Variants in IGF1R observed in about 807,000 individuals in gnomAD.
IGF1R encodes the protein insulin-like growth factor 1 receptor.
IGF1R carries 44 observed loss-of-function variants against 144.6 expected under a neutral mutation model. That is an observed-to-expected ratio of 0.30 (90% CI 0.24 to 0.39). The LOEUF (loss-of-function observed/expected upper bound fraction) is 0.39. IGF1R is among the 10% of genes least tolerant of loss of function. The pLI is 1.00. For synonymous variants in IGF1R, 795 were observed against 722.8 expected, an observed-to-expected ratio of 1.10 and a Z score of -1.60; for missense variants, 1,355 against 1,833.7, an observed-to-expected ratio of 0.74 and a Z score of 4.77.
chr15:98,870,678 A>G (rs532491977), intron 2 of IGF1R, among the ~76,000 whole-genome samples: 3 of 152,348 alleles, frequency 2.0e-5, no homozygotes, highest in African/African-American at 7.2e-5. Flanking sequence ...AACCTGGAGT[A>G]CAGGCAGACA....
At position 98,905,006 on chromosome 15, in the gene IGF1R, A is replaced by G. The variant is rs572354114; in HGVS notation, c.1248-3679A>G. On this transcript the variant is annotated intron_variant, in intron 5 of 20. Transcript: ENST00000650285. Reference sequence around the variant, plus strand: ...CCTCAGCCAGAAAAGCAGGGAAGGCACCCCCAGTTTGCAGCTGAGAGACTC... The same window carrying G: ...CCTCAGCCAGAAAAGCAGGGAAGGCGCCCCCAGTTTGCAGCTGAGAGACTC... 2.7e-3 allele frequency among the ~76,000 whole-genome samples: 406 copies of G among 152,246 alleles called. 1 individual carries two copies. Among genetic ancestry groups the G allele is most frequent in the Non-Finnish European group, 5.0e-3 (343 of 68,016 alleles).
intron 2 of IGF1R, among the ~76,000 whole-genome samples, chr15:98,856,806 A>G (rs1317645722): frequency 6.6e-6 from 1 of 152,240 alleles, no homozygotes; most frequent in African/African-American, 2.4e-5. Context: ...AGCAAACAGA[A>G]CACTTGCTTT....
chr15:98,823,392 C>T (rs577213713), intron 2 of IGF1R, among the ~76,000 whole-genome samples: 1 of 152,330 alleles, frequency 6.6e-6, no homozygotes, highest in South Asian at 2.1e-4. Flanking sequence ...TAAGCTGTTT[C>T]CCTCTTCCCC....
At chr15:98,692,325 G>A (rs1411351929) in intron 1 of IGF1R, among the ~76,000 whole-genome samples, 24 of 152,102 alleles carry the variant, frequency 1.6e-4, no homozygotes. Context: ...GTGACAGTGT[G>A]AGACCCTGGC....
Position 98,911,432 on chromosome 15 carries a change from A to G in IGF1R, c.1580A>G (p.Tyr527Cys). 6.2e-7 allele frequency: 1 copy of G among 1,614,170 alleles called. No homozygotes were observed. Among genetic ancestry groups the G allele is most frequent in the Non-Finnish European group, 8.5e-7 (1 of 1,180,028 alleles). Reference sequence around the variant, plus strand: ...GATCTCATCAGCTTCACCGTTTACTACAAGGAAGCGTGAGTTTCTGCTTTG... The same window carrying G: ...GATCTCATCAGCTTCACCGTTTACTGCAAGGAAGCGTGAGTTTCTGCTTTG... Reference protein sequence around the residue: ...YRDLISFTVYYKEAPFKNVTE... With the variant: ...YRDLISFTVYCKEAPFKNVTE... The change falls in exon 7 of 21, where the codon TAC becomes TGC. Residue 527 changes from tyrosine (Y) to cysteine (C), a missense_variant. Physicochemically the swap from Tyr to Cys is radical, Grantham distance 194. Coordinates refer to ENST00000650285, the MANE Select transcript of IGF1R (RefSeq NM_000875.5).
In IGF1R at chr15:98,755,718, C is replaced by CAAAAAAAAAAAAAAA. The variant is rs56121011; in HGVS notation, c.640+47632_640+47646dup. Among the ~76,000 whole-genome samples the CAAAAAAAAAAAAAAA allele has an allele frequency of 1.2e-4, 4 of 34,504 alleles. 1 individual carries two copies. The highest frequency in any genetic ancestry group is 1.6e-4 in the African/African-American group (1 of 6,448). 22.6% of individuals were successfully genotyped at this position (34,504 alleles called of 152,430 possible). Reference sequence around the variant, plus strand: ...TGAATGACAGAGCAAAACTCCATTGCAAAAAAAAAAAAAAAAAAAAAAAAA... The same window carrying CAAAAAAAAAAAAAAA: ...TGAATGACAGAGCAAAACTCCATTGCAAAAAAAAAAAAAAAAAAAAAAAAAAAAAAAAAAAAAAAA... On this transcript the variant is annotated intron_variant, in intron 2 of 20. Coordinates refer to ENST00000650285, the MANE Select transcript of IGF1R (RefSeq NM_000875.5).
intron 1 of IGF1R, among the ~76,000 whole-genome samples, chr15:98,659,640 C>G (rs147274074): frequency 7.2e-5 from 11 of 152,164 alleles, no homozygotes; most frequent in Non-Finnish European, 1.3e-4. Flanking sequence ...GTGATGCAGA[C>G]AGGCGCACTG....
intron 2 of IGF1R, among the ~76,000 whole-genome samples, chr15:98,799,265 G>T (rs896740839): frequency 2.6e-5 from 4 of 151,630 alleles, no homozygotes; most frequent in Non-Finnish European, 5.9e-5. Context: ...TTCTCCACCC[G>T]TAAAGTACGT....
At chr15:98,872,856 AAAAC>A (rs78390578) in intron 2 of IGF1R, among the ~76,000 whole-genome samples, 28,281 of 151,676 alleles carry the variant, frequency 0.19, 3,414 homozygotes, top group East Asian at 0.4. Context: ...AAAAAAAAAC[AAAAC>A]AGACAGACAG....
chr15:98,665,488 C>T (rs1484398705), intron 1 of IGF1R, among the ~76,000 whole-genome samples: 1 of 152,020 alleles, frequency 6.6e-6, no homozygotes, highest in Non-Finnish European at 1.5e-5. Context: ...CAGTCTCTTC[C>T]TTCTTCAAGG....
intron 2 of IGF1R, among the ~76,000 whole-genome samples, chr15:98,815,957 C>A (rs12911009): frequency 6.6e-6 from 1 of 152,074 alleles, no homozygotes; most frequent in Admixed American, 6.5e-5. Context: ...AAAATATTTG[C>A]AGCATTCCTT....
rs1017027099 is a variant in IGF1R at position 98,964,306 on chromosome 15, T to C, written c.*6864T>C. 1 of 232,078 alleles carries C rather than the reference T, an allele frequency of 4.3e-6. No individual in the cohort carries two copies. Among genetic ancestry groups the C allele is most frequent in the Non-Finnish European group, 8.5e-6 (1 of 117,162 alleles). The allele number at this position is 232,078 out of a possible 1,614,324, so 14.4% of individuals were successfully genotyped here. A position where few individuals can be genotyped will look rare whatever the true frequency, so the allele number is the denominator to read the frequency against. The stretch of plus-strand genomic sequence containing the variant: ...TAAATTATTCCTAAAAAATCCTGTT[T>C]ATATAAAAAATCAGTAGATGAAAAA... On this transcript the variant is annotated 3_prime_UTR_variant, in exon 21 of 21. Coordinates refer to ENST00000650285, the MANE Select transcript of IGF1R (RefSeq NM_000875.5).
In IGF1R at chr15:98,958,504, C is replaced by G; in HGVS notation, c.*1062C>G. The G allele has an allele frequency of 4.5e-6, 1 of 223,638 alleles. No homozygotes were observed. The highest frequency in any genetic ancestry group is 2.2e-5 in the African/African-American group (1 of 44,856). 13.9% of individuals were successfully genotyped at this position (223,638 alleles called of 1,614,324 possible). A position where few individuals can be genotyped will look rare whatever the true frequency, so the allele number is the denominator to read the frequency against. On this transcript the variant is annotated 3_prime_UTR_variant, in exon 21 of 21. Transcript: ENST00000650285. The stretch of plus-strand genomic sequence containing the variant: ...GTTTGCAAGGAAAGAAATTCAAACA[C>G]CACAACAGCAGTAAGAAGAAAAGCA...
intron 2 of IGF1R, among the ~76,000 whole-genome samples, chr15:98,734,440 A>G (rs1442758655): frequency 1.3e-5 from 2 of 152,094 alleles, no homozygotes; most frequent in African/African-American, 4.8e-5. Context: ...TAGCATGTTT[A>G]TGCCTTTTGG....
chr15:98,833,510 A>G (rs927306697), intron 2 of IGF1R, among the ~76,000 whole-genome samples: 1 of 152,208 alleles, frequency 6.6e-6, no homozygotes, highest in African/African-American at 2.4e-5. Context: ...TGACTTGACA[A>G]TGGCTCCATT....
At position 98,686,810 on chromosome 15, in the gene IGF1R, A is replaced by G. The variant is rs72547259; in HGVS notation, c.95-20752A>G. ...CTACGCTTCCTCAATAGATGGGACTATGTTCCTGCGCCATCACTCCTGGTG... is the reference window on the plus strand; with the variant it reads ...CTACGCTTCCTCAATAGATGGGACTGTGTTCCTGCGCCATCACTCCTGGTG... On this transcript the variant is annotated intron_variant, in intron 1 of 20. Coordinates refer to ENST00000650285, the MANE Select transcript of IGF1R (RefSeq NM_000875.5). Among the ~76,000 whole-genome samples, 670 of 152,136 alleles carry G rather than the reference A, an allele frequency of 4.4e-3. 3 individuals are homozygous for G. The highest frequency in any genetic ancestry group is 0.015 in the African/African-American group (630 of 41,490).
chr15:98,836,623 A>G (rs2057108502), intron 2 of IGF1R, among the ~76,000 whole-genome samples: 1 of 152,154 alleles, frequency 6.6e-6, no homozygotes, highest in Non-Finnish European at 1.5e-5. Flanking sequence ...AGAAATTAAC[A>G]ATGACACAAT....
At chr15:98,787,061 C>T (rs2056015024) in intron 2 of IGF1R, among the ~76,000 whole-genome samples, 1 of 152,158 alleles carries the variant, frequency 6.6e-6, no homozygotes, top group African/African-American at 2.4e-5. Context: ...GTTCCATCAG[C>T]GCCCCTTCGT....
In IGF1R at chr15:98,935,377, C is replaced by G; in HGVS notation, c.3248C>G (p.Thr1083Arg). Residue 1083 changes from threonine (T) to arginine (R), a missense_variant, in exon 17 of 21, where the codon ACA (threonine) becomes AGA (arginine). Thr to Arg is a moderately conservative substitution (Grantham distance 71). This residue lies in a region of IGF1R where 45 missense variants were observed against 43.5 expected (regional missense o/e 1.03). Coordinates refer to ENST00000650285, the MANE Select transcript of IGF1R (RefSeq NM_000875.5). This position sits in a 1 kb window ranked among gnomAD's most constrained non-coding sequence, Gnocchi z 4.2. ...QPTLVIMELM[T>R]RGDLKSYLRS... The stretch of plus-strand genomic sequence containing the variant: ...ACACTGGTCATCATGGAACTGATGA[C>G]ACGGGGCGATCTCAAAAGTTATCTC... 6.4e-7 allele frequency: 1 copy of G among 1,551,568 alleles called. No individual in the cohort carries two copies. Among genetic ancestry groups the G allele is most frequent in the South Asian group, 1.2e-5 (1 of 84,052 alleles).
Sources: gnomAD v4.1 joint callset for allele counts (sites outside exome capture counted in the v4.1 genomes callset) on GRCh38, gnomAD v4.1.1 for gene constraint, gnomAD v4.1.1 regional missense constraint, Gnocchi (gnomAD v3.1) non-coding constraint, MANE v1.5 for transcripts, NCBI Gene and HGNC (gene_info 2026-07-23, HGNC 2026-07-21) for gene names.